CYRIB: variants seen among roughly 807,000 people sequenced by gnomAD.
CYRIB encodes CYFIP related Rac1 interactor B, also known as CYFIP-related Rac1 interactor B.
Under a neutral mutation model 44.2 loss-of-function variants are expected in CYRIB, and 8 were observed. The observed-to-expected ratio is 0.18, with a 90% confidence interval of 0.11 to 0.33. CYRIB has a LOEUF of 0.33. Among genes scored for constraint, CYRIB ranks in the 10% least tolerant of loss-of-function variants. The pLI is 1.00. For synonymous variants in CYRIB, 131 were observed against 127.2 expected (o/e 1.03, Z -0.20); for missense variants, 185 against 382.8 (o/e 0.48, Z 4.31).
At chr8:130,015,978 AC>A (rs1430389713) in intron 1 of CYRIB, among the ~76,000 whole-genome samples, 2 of 151,616 alleles carry the variant, frequency 1.3e-5, no homozygotes, top group Non-Finnish European at 2.9e-5. Flanking sequence ...CCGCACCGAC[AC>A]CCGGCTCGCA....
intron 4 of CYRIB, among the ~76,000 whole-genome samples, chr8:129,863,127 C>G (rs993006793): frequency 6.6e-6 from 1 of 152,164 alleles, no homozygotes; most frequent in Admixed American, 6.5e-5. Context: ...GATGCCAACT[C>G]TGGGAACAGG....
At chr8:129,869,575 T>A (rs1297720213) in intron 4 of CYRIB, among the ~76,000 whole-genome samples, 1 of 152,166 alleles carries the variant, frequency 6.6e-6, no homozygotes, top group Non-Finnish European at 1.5e-5. Context: ...TCCTACTAAA[T>A]CATTTAAATC....
chr8:129,906,514 C>T (rs201359652), intron 1 of CYRIB, among the ~76,000 whole-genome samples: 38 of 152,114 alleles, frequency 2.5e-4, no homozygotes, highest in Middle Eastern at 3.4e-3. Flanking sequence ...AGAAAACCTA[C>T]GCAATACCAT....
chr8:130,011,797 C>A (rs2097225633), intron 1 of CYRIB, among the ~76,000 whole-genome samples: 1 of 152,076 alleles, frequency 6.6e-6, no homozygotes, highest in South Asian at 2.1e-4. Context: ...CGCACCACTG[C>A]ACTCCAGCCT....
At chr8:129,997,618 A>G (rs2096803744) in intron 1 of CYRIB, among the ~76,000 whole-genome samples, 1 of 152,192 alleles carries the variant, frequency 6.6e-6, no homozygotes, top group Non-Finnish European at 1.5e-5. Context: ...TGCAGAATTA[A>G]TTGGTCCCTG....
At chr8:129,923,065 C>CAA (rs1278349694) in intron 1 of CYRIB, among the ~76,000 whole-genome samples, 1 of 123,460 alleles carries the variant, frequency 8.1e-6, no homozygotes, top group African/African-American at 3.2e-5. Context: ...CCCGTCTCTA[C>CAA]TAAAAAAAAA....
intron 1 of CYRIB, among the ~76,000 whole-genome samples, chr8:129,924,957 C>T (rs571207277): frequency 8.0e-4 from 122 of 152,284 alleles, no homozygotes; most frequent in African/African-American, 2.1e-3. Flanking sequence ...TCAAATTTTT[C>T]TCATTTAAAG....
At chr8:129,905,283 C>G (rs1186091467) in intron 1 of CYRIB, among the ~76,000 whole-genome samples, 1 of 152,048 alleles carries the variant, frequency 6.6e-6, no homozygotes, top group Non-Finnish European at 1.5e-5. Context: ...AGTGGCGCTA[C>G]CTCAGCTCAC....
chr8:129,985,156 C>G (rs2096405455), intron 1 of CYRIB, among the ~76,000 whole-genome samples: 1 of 152,166 alleles, frequency 6.6e-6, no homozygotes, highest in African/African-American at 2.4e-5. Context: ...AGTTTCTTAA[C>G]CTCTCTGGGC....
At chr8:129,874,476 A>G (rs1341335308) in intron 3 of CYRIB, among the ~76,000 whole-genome samples, 4 of 152,122 alleles carry the variant, frequency 2.6e-5, no homozygotes, top group African/African-American at 9.6e-5. Context: ...TATAATTGTG[A>G]TAAGGGGTCT....
intron 1 of CYRIB, among the ~76,000 whole-genome samples, chr8:129,907,444 T>C (rs1258954202): frequency 6.6e-6 from 1 of 150,986 alleles, no homozygotes. Flanking sequence ...CGGTGCCTGT[T>C]ATGGGGTGGG....
intron 1 of CYRIB, among the ~76,000 whole-genome samples, chr8:129,914,336 C>A (rs1018562196): frequency 2.0e-5 from 3 of 152,124 alleles, no homozygotes; most frequent in African/African-American, 4.8e-5. Context: ...GCCAGAGGAA[C>A]CTTCTGAAGG....
At chr8:130,015,262 G>A (rs760159384) in intron 1 of CYRIB, among the ~76,000 whole-genome samples, 1 of 152,132 alleles carries the variant, frequency 6.6e-6, no homozygotes, top group Non-Finnish European at 1.5e-5. Context: ...TTATCTATGG[G>A]GTGCTTCCCA....
chr8:129,994,454 A>G (rs2096722004), intron 1 of CYRIB, among the ~76,000 whole-genome samples: 1 of 152,214 alleles, frequency 6.6e-6, no homozygotes, highest in African/African-American at 2.4e-5. Context: ...TTATCTTTGT[A>G]TGCCTGTGCT....
chr8:130,003,375 CA>C (rs1263448363), intron 1 of CYRIB, among the ~76,000 whole-genome samples: 2 of 152,174 alleles, frequency 1.3e-5, no homozygotes, highest in East Asian at 3.8e-4. Context: ...AATAGTTGCC[CA>C]GAAGGGTCAC....
At chr8:129,892,619 T>C (rs1400413529) in intron 2 of CYRIB, among the ~76,000 whole-genome samples, 1 of 151,888 alleles carries the variant, frequency 6.6e-6, no homozygotes, top group Non-Finnish European at 1.5e-5. Flanking sequence ...CATTATATAT[T>C]TCAAAATTAC....
At chr8:129,999,712 C>T (rs555740688) in intron 1 of CYRIB, among the ~76,000 whole-genome samples, 5 of 152,332 alleles carry the variant, frequency 3.3e-5, no homozygotes, top group African/African-American at 4.8e-5. Flanking sequence ...CCTGAAGCCT[C>T]GACCTCCCGG....
intron 1 of CYRIB, among the ~76,000 whole-genome samples, chr8:129,931,264 A>G (rs1438015673): frequency 6.6e-6 from 1 of 152,176 alleles, no homozygotes; most frequent in Non-Finnish European, 1.5e-5. Context: ...CTCCCTGAAA[A>G]TGTTCTTAAT....
intron 1 of CYRIB, among the ~76,000 whole-genome samples, chr8:129,983,517 A>C (rs2096330765): frequency 1.3e-5 from 2 of 152,328 alleles, no homozygotes; most frequent in African/African-American, 4.8e-5. Flanking sequence ...TTAACAACAA[A>C]AAAAAGTTTT....
Sources: gnomAD v4.1 joint callset for allele counts (sites outside exome capture counted in the v4.1 genomes callset) on GRCh38, gnomAD v4.1.1 for gene constraint, MANE v1.5 for transcripts, NCBI Gene and HGNC (gene_info 2026-07-23, HGNC 2026-07-21) for gene names.